Variants in ST8SIA6 observed in about 807,000 individuals in gnomAD.
ST8SIA6 encodes ST8 alpha-N-acetyl-neuraminide alpha-2,8-sialyltransferase 6.
A neutral mutation model predicts 33.6 loss-of-function variants in ST8SIA6; 39 were observed. That is an observed-to-expected ratio of 1.16 (90% CI 0.90 to 1.52). ST8SIA6 has a LOEUF of 1.52. ST8SIA6 is among the 40% of genes most tolerant of loss of function. The pLI is 0.00. For missense variants in ST8SIA6, 441 were observed against 443.8 expected, an observed-to-expected ratio of 0.99 and a Z score of 0.06; for synonymous variants, 172 against 167.2, an observed-to-expected ratio of 1.03 and a Z score of -0.22.
rs1439635782 is a variant in ST8SIA6 at position 17,320,002 on chromosome 10, T to A, written c.*876A>T. 6.6e-6 allele frequency: 1 copy of A among 152,346 alleles called. No homozygotes were observed. Among genetic ancestry groups the A allele is most frequent in the East Asian group, 1.9e-4 (1 of 5,184 alleles). The allele number at this position is 152,346 out of a possible 1,614,324, so 9.4% of individuals were successfully genotyped here. The stretch of plus-strand genomic sequence containing the variant: ...CATCATAATTAATGATATGCACATC[T>A]GTTTTCTCCTACAAGAGGCAATAAT... On this transcript the variant is annotated 3_prime_UTR_variant, in exon 8 of 8. Coordinates refer to ENST00000377602, the MANE Select transcript of ST8SIA6 (RefSeq NM_001004470.3).
At chr10:17,407,530 C>T (rs1851312179) in intron 2 of ST8SIA6, among the ~76,000 whole-genome samples, 1 of 152,226 alleles carries the variant, frequency 6.6e-6, no homozygotes, top group Admixed American at 6.5e-5. Context: ...CATCCTAATT[C>T]TTTACTCCAT....
intron 4 of ST8SIA6, among the ~76,000 whole-genome samples, chr10:17,354,289 A>G (rs1849125387): frequency 6.6e-6 from 1 of 152,186 alleles, no homozygotes; most frequent in African/African-American, 2.4e-5. Flanking sequence ...CGCTCAAGCA[A>G]ATGATTATCC....
At chr10:17,336,569 T>C (rs1469345387) in intron 4 of ST8SIA6, among the ~76,000 whole-genome samples, 1 of 150,634 alleles carries the variant, frequency 6.6e-6, no homozygotes, top group Admixed American at 6.6e-5. Flanking sequence ...TTCTAGTATA[T>C]GAACAGAATT....
Position 17,331,301 on chromosome 10 carries a change from A to C in ST8SIA6, c.522+107T>G. On this transcript the variant is annotated intron_variant, in intron 5 of 7. Transcript: ENST00000377602. ...TGTCCAAATTTTATACAACATAACA[A>C]TATGGTATTTTAATTGAGTCCATCA... 5 of 1,371,804 alleles carry C rather than the reference A, an allele frequency of 3.6e-6. No individual in the cohort carries two copies. The South Asian group carries it at 7.8e-5, about 21-fold the overall frequency. The allele number at this position is 1,371,804 out of a possible 1,614,324, so 85.0% of individuals were successfully genotyped here. A position where few individuals can be genotyped will look rare whatever the true frequency, so the allele number is the denominator to read the frequency against.
intron 4 of ST8SIA6, among the ~76,000 whole-genome samples, 173 bp downstream of exon 4, chr10:17,359,339 CAA>C (rs1849306205): frequency 6.6e-6 from 1 of 152,100 alleles, no homozygotes; most frequent in African/African-American, 2.4e-5. Flanking sequence ...AATTTATACA[CAA>C]GAGATGGAGA....
rs141211032 is a variant in ST8SIA6, at chr10:17,319,683, A to AACTT, written c.*1194_*1195insAAGT. 0.011 allele frequency among the ~76,000 whole-genome samples: 1,671 copies of AACTT among 152,308 alleles called. 17 individuals carry two copies. The highest frequency in any genetic ancestry group is 0.026 in the African/African-American group (1,065 of 41,566). On this transcript the variant is annotated 3_prime_UTR_variant, in exon 8 of 8. Coordinates refer to ENST00000377602, the MANE Select transcript of ST8SIA6 (RefSeq NM_001004470.3). ...AAGATAGGATATTATATGGGAAAAA[A>AACTT]AAGTAAGCTCTAAATGTCCTAACTA... is the stretch of plus-strand genomic sequence containing the variant.
intron 2 of ST8SIA6, among the ~76,000 whole-genome samples, chr10:17,435,704 TG>T (rs1217073293): frequency 1.2e-4 from 1 of 8,480 alleles, no homozygotes; most frequent in Non-Finnish European, 2.1e-4. Context: ...GCTTATAAAA[TG>T]GGGGGTTGGG....
At chr10:17,345,066 A>T (rs1848789856) in intron 4 of ST8SIA6, among the ~76,000 whole-genome samples, 1 of 152,166 alleles carries the variant, frequency 6.6e-6, no homozygotes, top group Non-Finnish European at 1.5e-5. Flanking sequence ...AAACAATTAG[A>T]ACACGGTGCC....
intron 2 of ST8SIA6, among the ~76,000 whole-genome samples, chr10:17,411,514 A>C (rs1011427586): frequency 6.6e-6 from 1 of 152,226 alleles, no homozygotes; most frequent in Non-Finnish European, 1.5e-5. Flanking sequence ...ATGAAAGTGT[A>C]TTAATCTTCT....
Position 17,373,941 on chromosome 10 carries a change from T to C in ST8SIA6, c.291-14341A>G, listed in dbSNP as rs576763339. Among the ~76,000 whole-genome samples the C allele has an allele frequency of 9.2e-5, 14 of 152,228 alleles. No individual in the cohort carries two copies. The East Asian group carries it at 2.5e-3, about 27-fold the overall frequency. ...ATTCAGTTTTGTTTCCAGTGACAAATACTTATAATAAAATAATACATGATT... is the reference window on the plus strand; with the variant it reads ...ATTCAGTTTTGTTTCCAGTGACAAACACTTATAATAAAATAATACATGATT... On this transcript the variant is annotated intron_variant, in intron 3 of 7. Coordinates refer to ENST00000377602, the MANE Select transcript of ST8SIA6 (RefSeq NM_001004470.3).
rs1385741722 is a variant in ST8SIA6, at chr10:17,454,189, G to C, written c.67C>G (p.Leu23Val). Residue 23 changes from leucine to valine, a missense_variant, in exon 1 of 8, where the codon CTC (leucine) becomes GTC (valine). Transcript: ENST00000377602. The surrounding 1 kb of genome is among the most constrained non-coding windows in gnomAD (Gnocchi z 4.1). ...CCGGGCGCGTCTGCCGGGCACCAGA[G>C]CAGGCGCAGCAGCAGCAGCAGCAGC... ...SLLLLLLLRL[L>V]WCPADAPGRA... 1.4e-5 allele frequency: 4 copies of C among 284,460 alleles called. No individual in the cohort carries two copies. The highest frequency in any genetic ancestry group is 2.6e-5 in the Non-Finnish European group (4 of 155,018). 17.6% of individuals were successfully genotyped at this position (284,460 alleles called of 1,614,324 possible). A position where few individuals can be genotyped will look rare whatever the true frequency, so the allele number is the denominator to read the frequency against.
chr10:17,442,348 A>G (rs1370669042), intron 2 of ST8SIA6, among the ~76,000 whole-genome samples: 8 of 152,232 alleles, frequency 5.3e-5, no homozygotes, highest in African/African-American at 2.4e-5. Context: ...GTGAGTAGTG[A>G]TATACGACAA....
intron 2 of ST8SIA6, among the ~76,000 whole-genome samples, chr10:17,448,149 A>G (rs147051037): frequency 7.4e-4 from 113 of 152,262 alleles, no homozygotes; most frequent in African/African-American, 2.6e-3. Flanking sequence ...GTAGAGGCCA[A>G]AGTCCTTCTG....
intron 4 of ST8SIA6, among the ~76,000 whole-genome samples, chr10:17,356,197 G>A (rs61569182): frequency 9.6e-4 from 145 of 150,996 alleles, no homozygotes; most frequent in African/African-American, 3.4e-3. Flanking sequence ...TTTTGTTGAG[G>A]CCCTATTTTG....
intron 3 of ST8SIA6, among the ~76,000 whole-genome samples, chr10:17,376,998 C>CCCTGTGA (rs1306092176): frequency 6.6e-6 from 1 of 152,106 alleles, no homozygotes; most frequent in African/African-American, 2.4e-5. Flanking sequence ...CCATCATATC[C>CCCTGTGA]CCTGTGACCT....
chr10:17,435,723 G>A (rs1025115027), intron 2 of ST8SIA6, among the ~76,000 whole-genome samples: 2 of 134,614 alleles, frequency 1.5e-5, no homozygotes, highest in African/African-American at 5.4e-5. Flanking sequence ...GGGGGGGTGG[G>A]GGGCAGGCAA....
At chr10:17,407,277 A>G (rs1380676620) in intron 2 of ST8SIA6, among the ~76,000 whole-genome samples, 1 of 152,162 alleles carries the variant, frequency 6.6e-6, no homozygotes, top group Non-Finnish European at 1.5e-5. Context: ...TCTTTCAGGA[A>G]CTTGGGGCGG....
intron 2 of ST8SIA6, among the ~76,000 whole-genome samples, chr10:17,399,435 C>T (rs1850951521): frequency 6.6e-6 from 1 of 152,170 alleles, no homozygotes; most frequent in South Asian, 2.1e-4. Flanking sequence ...CATAGAACTT[C>T]ATTCTTTTAT....
At chr10:17,368,407 C>CAAAAAAAAAAAAAAAAGAAA (rs1849628003) in intron 3 of ST8SIA6, among the ~76,000 whole-genome samples, 1 of 72,198 alleles carries the variant, frequency 1.4e-5, no homozygotes. Flanking sequence ...AGCTCTGTCT[C>CAAAAAAAAAAAAAAAAGAAA]AAAAAAAAAA....
Sources: allele counts gnomAD v4.1 joint callset (sites outside exome capture counted in the v4.1 genomes callset), GRCh38; gene constraint gnomAD v4.1.1; non-coding constraint Gnocchi (gnomAD v3.1); transcripts MANE v1.5; gene names NCBI Gene and HGNC (gene_info 2026-07-23, HGNC 2026-07-21).